The following TMEM132D variants were observed in gnomAD, a reference collection of about 807,000 sequenced individuals.
The protein encoded by TMEM132D is mature OL transmembrane protein.
TMEM132D carries 21 observed loss-of-function variants against 62.3 expected under a neutral mutation model. The ratio of observed to expected loss-of-function variants is 0.34; its 90% CI spans 0.24 to 0.49. The LOEUF (loss-of-function observed/expected upper bound fraction) is 0.49, where lower values mean the gene tolerates loss of function less well. Ranked by LOEUF, TMEM132D falls within the 20% of genes least tolerant of loss-of-function variation. The probability of loss-of-function intolerance (pLI) is 0.99; values close to 1 mark genes in which losing one functional copy is unlikely to be tolerated. For missense variants in TMEM132D, 1,346 were observed against 1,402.8 expected (o/e 0.96, Z 0.65); for synonymous variants, 621 against 575.6 (o/e 1.08, Z -1.13).
At chr12:129,486,521 A>G (rs754391836) in intron 3 of TMEM132D, among the ~76,000 whole-genome samples, 6 of 152,172 alleles carry the variant, frequency 3.9e-5, no homozygotes, top group Non-Finnish European at 7.3e-5. Flanking sequence ...TCTGAGCCCT[A>G]AAGTCCCTTT....
chr12:129,453,454 A>G (rs1377827548), intron 3 of TMEM132D, among the ~76,000 whole-genome samples: 1 of 152,202 alleles, frequency 6.6e-6, no homozygotes, highest in Non-Finnish European at 1.5e-5. Context: ...TTCTACTAAC[A>G]GCACAATTTT....
intron 1 of TMEM132D, among the ~76,000 whole-genome samples, chr12:129,761,274 G>A (rs1346734949): frequency 6.6e-6 from 1 of 152,110 alleles, no homozygotes; most frequent in Non-Finnish European, 1.5e-5. Context: ...TCTAGGGCTG[G>A]ACCACCATGA....
At chr12:129,352,576 C>A (rs1394244839) in intron 3 of TMEM132D, among the ~76,000 whole-genome samples, 1 of 151,756 alleles carries the variant, frequency 6.6e-6, no homozygotes, top group African/African-American at 2.4e-5. Context: ...AAAAAACAAA[C>A]ATCTCCATCA....
At position 129,700,541 on chromosome 12, in the gene TMEM132D, C is replaced by T. The variant is rs1342657188; in HGVS notation, c.237G>A (p.Val79=). The change falls in exon 2 of 9, where the codon GTG becomes GTA. Residue 79 remains valine, a synonymous_variant. Coordinates refer to ENST00000422113, the MANE Select transcript of TMEM132D (RefSeq NM_133448.3). ...TGGATTTGTAAATCAGAAATGACTC[C>T]ACCCGGGACTGCAGGCTGGAGTTCC... is the stretch of plus-strand genomic sequence containing the variant. The part of the protein sequence containing the change: ...IMRNSSLQSR[V]ESFLIYKSRR... 1 of 1,614,060 alleles carries T rather than the reference C, an allele frequency of 6.2e-7. No homozygotes were observed. Among genetic ancestry groups the T allele is most frequent in the Non-Finnish European group, 8.5e-7 (1 of 1,180,016 alleles).
chr12:129,506,652 C>A (rs1171466037), intron 3 of TMEM132D, among the ~76,000 whole-genome samples: 5 of 152,046 alleles, frequency 3.3e-5, no homozygotes, highest in Admixed American at 3.3e-4. Context: ...AACTGGCAAG[C>A]CACATGTAGG....
Position 129,867,092 on chromosome 12 carries a change from CAA to C in TMEM132D, c.79+36167_79+36168del, listed in dbSNP as rs34891066. Among the ~76,000 whole-genome samples the C allele has an allele frequency of 2.7e-5, 4 of 150,434 alleles. No homozygotes were observed. The highest frequency in any genetic ancestry group is 6.8e-3 in the Middle Eastern group (2 of 294). On this transcript the variant is annotated intron_variant, in intron 1 of 8. Coordinates refer to ENST00000422113, the MANE Select transcript of TMEM132D (RefSeq NM_133448.3). The surrounding 1 kb of genome is among the most constrained non-coding windows in gnomAD (Gnocchi z 4.5). ...GAAAAACCCCAAAACCCTGTCTCTA[CAA>C]AAAAAAAATACAGAAATTAGCTGGG...
At chr12:129,379,176 C>T (rs188716362) in intron 3 of TMEM132D, among the ~76,000 whole-genome samples, 2 of 152,110 alleles carry the variant, frequency 1.3e-5, no homozygotes, top group Admixed American at 1.3e-4. Context: ...TGAATTTGGC[C>T]ACGACTCTGC....
chr12:129,875,402 G>A (rs1874383766), intron 1 of TMEM132D, among the ~76,000 whole-genome samples: 1 of 152,222 alleles, frequency 6.6e-6, no homozygotes, highest in Non-Finnish European at 1.5e-5. Context: ...GAGTTCTGGA[G>A]GCTGGAAAGC....
intron 3 of TMEM132D, among the ~76,000 whole-genome samples, chr12:129,500,523 C>G (rs563501710): frequency 1.3e-5 from 2 of 152,204 alleles, no homozygotes; most frequent in East Asian, 3.9e-4. Context: ...CCCTTGGCTG[C>G]TACCACAGCA....
intron 1 of TMEM132D, among the ~76,000 whole-genome samples, chr12:129,727,293 C>T (rs544987820): frequency 2.0e-5 from 3 of 152,274 alleles, no homozygotes; most frequent in African/African-American, 7.2e-5. Context: ...GCCAGGATCT[C>T]TGTGCTGTGT....
chr12:129,254,923 G>A (rs1443505484), intron 4 of TMEM132D, among the ~76,000 whole-genome samples: 1 of 152,182 alleles, frequency 6.6e-6, no homozygotes, highest in African/African-American at 2.4e-5. Flanking sequence ...CTCATGTCAA[G>A]TTGTAATCCC....
At chr12:129,570,891 G>T (rs954430524) in intron 2 of TMEM132D, among the ~76,000 whole-genome samples, 1 of 152,152 alleles carries the variant, frequency 6.6e-6, no homozygotes, top group African/African-American at 2.4e-5. Flanking sequence ...TCCCTGAGAC[G>T]GGCTTAGTAA....
chr12:129,373,848 T>C (rs777373989), intron 3 of TMEM132D, among the ~76,000 whole-genome samples: 2 of 152,146 alleles, frequency 1.3e-5, no homozygotes, highest in Non-Finnish European at 2.9e-5. Context: ...TTTGGTGAAG[T>C]AACATTTTGG....
rs199623598 is a variant in TMEM132D, at chr12:129,427,447, C to T, written c.1116-89630G>A. Among the ~76,000 whole-genome samples, 16 of 152,006 alleles carry T rather than the reference C, an allele frequency of 1.1e-4. No individual in the cohort carries two copies. The East Asian group carries it at 2.9e-3, about 28-fold the overall frequency. On this transcript the variant is annotated intron_variant, in intron 3 of 8. Transcript: ENST00000422113. ...GGCAGGGATAGCATTAGGAGATATA[C>T]CTAATGTTAAATGACGAGTTGATGG...
chr12:129,692,374 A>T (rs1881082478), intron 2 of TMEM132D, among the ~76,000 whole-genome samples: 1 of 152,232 alleles, frequency 6.6e-6, no homozygotes, highest in South Asian at 2.1e-4. Context: ...GAAACTGCCC[A>T]CTTTTCAATG....
chr12:129,826,132 C>T (rs1872655464), intron 1 of TMEM132D, among the ~76,000 whole-genome samples: 1 of 152,124 alleles, frequency 6.6e-6, no homozygotes, highest in Non-Finnish European at 1.5e-5. Flanking sequence ...CATCCCTGAA[C>T]TGTGCAGAAG....
At chr12:129,705,073 T>G (rs557133349) in intron 1 of TMEM132D, among the ~76,000 whole-genome samples, 1 of 151,980 alleles carries the variant, frequency 6.6e-6, no homozygotes, top group East Asian at 2.0e-4. Flanking sequence ...TGGGAGCTTT[T>G]GAAGCTTTCC....
At chr12:129,268,961 T>C (rs574097122) in intron 4 of TMEM132D, among the ~76,000 whole-genome samples, 204 of 138,792 alleles carry the variant, frequency 1.5e-3, no homozygotes, top group Non-Finnish European at 2.4e-3. Flanking sequence ...TAGGTGGGAA[T>C]TGAACAGTGA....
intron 3 of TMEM132D, among the ~76,000 whole-genome samples, chr12:129,420,423 C>T (rs181151833): frequency 1.0e-4 from 15 of 149,554 alleles, no homozygotes; most frequent in African/African-American, 3.2e-4. Context: ...GAGTGCTGTC[C>T]GGTCCCAAAC....
Sources: allele counts gnomAD v4.1 joint callset (sites outside exome capture counted in the v4.1 genomes callset), GRCh38; gene constraint gnomAD v4.1.1; non-coding constraint Gnocchi (gnomAD v3.1); transcripts MANE v1.5; gene names NCBI Gene and HGNC (gene_info 2026-07-23, HGNC 2026-07-21).